Variants in EYS observed in about 807,000 individuals in gnomAD.
The protein encoded by EYS is EGF-like photoreceptor maintenance factor.
A neutral mutation model predicts 282.1 loss-of-function variants in EYS; 250 were observed. The ratio of observed to expected loss-of-function variants is 0.89; its 90% CI spans 0.80 to 0.98. The LOEUF (loss-of-function observed/expected upper bound fraction) is 0.98, where lower values mean the gene tolerates loss of function less well. EYS is among the 50% of genes least tolerant of loss of function. The pLI is 0.00. For missense variants in EYS, 4,016 were observed against 3,709.0 expected, an observed-to-expected ratio of 1.08 and a Z score of -2.15; for synonymous variants, 1,355 against 1,282.9, an observed-to-expected ratio of 1.06 and a Z score of -1.20.
intron 31 of EYS, among the ~76,000 whole-genome samples, chr6:64,106,775 C>T (rs4529285): frequency 0.21 from 31,954 of 151,784 alleles, 4,181 homozygotes; most frequent in East Asian, 0.42. Context: ...TTTCCATTCT[C>T]TCCTTTTTCT....
intron 22 of EYS, among the ~76,000 whole-genome samples, chr6:64,800,531 CAG>C (rs997421298): frequency 2.7e-5 from 4 of 150,150 alleles, no homozygotes; most frequent in African/African-American, 7.3e-5. Context: ...AAAGTATAAC[CAG>C]AGAGTTTAAT....
At chr6:64,267,013 G>A (rs1767782188) in intron 30 of EYS, among the ~76,000 whole-genome samples, 1 of 152,074 alleles carries the variant, frequency 6.6e-6, no homozygotes, top group African/African-American at 2.4e-5. Flanking sequence ...GTCACATTGT[G>A]CATGCTTTAA....
rs1035114303 is a variant in EYS, at chr6:63,864,375, T to A, written c.7056-17A>T. On this transcript the variant is annotated splice_polypyrimidine_tract_variant and intron_variant, in intron 35 of 42. Coordinates refer to ENST00000503581, the MANE Select transcript of EYS (RefSeq NM_001142800.2). Reference sequence around the variant, plus strand: ...TCATTATCACTGAGAAGGGAAAAAATTTAAAAATTCATTAGGAAACAACTG... The same window carrying A: ...TCATTATCACTGAGAAGGGAAAAAAATTAAAAATTCATTAGGAAACAACTG... The A allele has an allele frequency of 2.6e-6, 4 of 1,544,932 alleles. No individual in the cohort carries two copies. Among genetic ancestry groups the A allele is most frequent in the East Asian group, 4.9e-5 (2 of 40,836 alleles).
At chr6:64,608,134 A>C (rs1017068639) in intron 24 of EYS, among the ~76,000 whole-genome samples, 1 of 152,134 alleles carries the variant, frequency 6.6e-6, no homozygotes, top group African/African-American at 2.4e-5. Flanking sequence ...TGTTCCACAA[A>C]ATTCTTGTGC....
At chr6:65,184,240 G>A (rs1334453276) in intron 12 of EYS, among the ~76,000 whole-genome samples, 3 of 151,844 alleles carry the variant, frequency 2.0e-5, no homozygotes, top group Non-Finnish European at 2.9e-5. Flanking sequence ...TGGAGGCTGG[G>A]AACTCCAAGA....
At chr6:65,374,636 A>T (rs1271848136) in intron 8 of EYS, among the ~76,000 whole-genome samples, 1 of 152,070 alleles carries the variant, frequency 6.6e-6, no homozygotes, top group Non-Finnish European at 1.5e-5. Context: ...AAGTCCAGCA[A>T]GCTAAGAACC....
At chr6:65,691,545 T>G (rs1769244896) in intron 1 of EYS, among the ~76,000 whole-genome samples, 1 of 150,134 alleles carries the variant, frequency 6.7e-6, no homozygotes, top group African/African-American at 2.4e-5. Flanking sequence ...CTGTTCACTC[T>G]GATGATACTT....
intron 2 of EYS, among the ~76,000 whole-genome samples, chr6:65,610,148 C>T (rs1765943070): frequency 6.6e-6 from 1 of 152,002 alleles, no homozygotes; most frequent in African/African-American, 2.4e-5. Flanking sequence ...CACAAGTGAA[C>T]CTTTCCCCTT....
intron 14 of EYS, among the ~76,000 whole-genome samples, chr6:64,997,151 A>G (rs919552865): frequency 6.6e-6 from 1 of 152,170 alleles, no homozygotes; most frequent in Non-Finnish European, 1.5e-5. Context: ...GAGTGAAGGA[A>G]ACTGGAAATA....
intron 2 of EYS, among the ~76,000 whole-genome samples, chr6:65,542,054 T>C (rs902046203): frequency 6.6e-6 from 1 of 152,144 alleles, no homozygotes; most frequent in Admixed American, 6.5e-5. Flanking sequence ...ACAAATACAT[T>C]AATGTGCAAG....
chr6:65,202,076 C>T (rs1297867840), intron 12 of EYS, among the ~76,000 whole-genome samples: 4 of 151,856 alleles, frequency 2.6e-5, no homozygotes, highest in African/African-American at 9.7e-5. Flanking sequence ...TGCACCAGTG[C>T]ACTCCAGCCT....
chr6:63,834,960 A>C (rs28810458), intron 36 of EYS, among the ~76,000 whole-genome samples: 19,744 of 148,916 alleles, frequency 0.13, 1,670 homozygotes, highest in African/African-American at 0.24. Flanking sequence ...GGACAGAAAA[A>C]CAAACACCAC....
chr6:64,550,027 G>T (rs1010968257), intron 26 of EYS, among the ~76,000 whole-genome samples: 2 of 152,028 alleles, frequency 1.3e-5, no homozygotes, highest in African/African-American at 4.8e-5. Context: ...GAGAATGATG[G>T]TTTCCCGCTT....
chr6:65,070,874 C>G (rs560802967), intron 12 of EYS, among the ~76,000 whole-genome samples: 2 of 151,812 alleles, frequency 1.3e-5, no homozygotes, highest in South Asian at 4.2e-4. Context: ...ATTCATAATC[C>G]AATAAATATT....
At chr6:65,599,958 C>T (rs1765559025) in intron 2 of EYS, among the ~76,000 whole-genome samples, 1 of 152,064 alleles carries the variant, frequency 6.6e-6, no homozygotes, top group South Asian at 2.1e-4. Context: ...TTGACATCTG[C>T]TAGTGATCAC....
intron 32 of EYS, among the ~76,000 whole-genome samples, chr6:64,078,780 C>A (rs1771857057): frequency 6.6e-6 from 1 of 151,944 alleles, no homozygotes; most frequent in Admixed American, 6.6e-5. Flanking sequence ...AGAAATGATC[C>A]TATGGCACTA....
chr6:64,304,035 T>C (rs988813592), intron 30 of EYS, among the ~76,000 whole-genome samples: 4 of 152,164 alleles, frequency 2.6e-5, no homozygotes, highest in Non-Finnish European at 5.9e-5. Flanking sequence ...ACTCAGGGGT[T>C]TGGCAATGTG....
chr6:65,514,651 C>A (rs993116238), intron 2 of EYS, among the ~76,000 whole-genome samples: 3 of 152,326 alleles, frequency 2.0e-5, no homozygotes, highest in South Asian at 2.1e-4. Flanking sequence ...CTACAACTAT[C>A]TGATCTTTGA....
rs182557907 is a variant in EYS, at chr6:64,271,850, A to T, written c.6191+35120T>A. On this transcript the variant is annotated intron_variant, in intron 30 of 42. Coordinates refer to ENST00000503581, the MANE Select transcript of EYS (RefSeq NM_001142800.2). ...TATTCTTATTTTATTTTATTTATTT[A>T]TTTTTTTGAGACAGAGTCTCACTGC... Among the ~76,000 whole-genome samples, 81 of 151,286 alleles carry T rather than the reference A, an allele frequency of 5.4e-4. 1 individual carries two copies. In the East Asian group the frequency reaches 0.015, roughly 27 times the overall value.
Sources: allele counts gnomAD v4.1 joint callset (sites outside exome capture counted in the v4.1 genomes callset), GRCh38; gene constraint gnomAD v4.1.1; transcripts MANE v1.5; gene names NCBI Gene and HGNC (gene_info 2026-07-23, HGNC 2026-07-21).